SOX5: variants seen among roughly 807,000 people sequenced by gnomAD.
SOX5 encodes transcription factor SOX-5.
Under a neutral mutation model 92.0 loss-of-function variants are expected in SOX5, and 9 were observed. That is an observed-to-expected ratio of 0.10 (90% CI 0.06 to 0.17). The LOEUF (loss-of-function observed/expected upper bound fraction) is 0.17, where lower values mean the gene tolerates loss of function less well. SOX5 is among the 10% of genes least tolerant of loss of function. SOX5 has a pLI of 1.00. For synonymous variants in SOX5, 344 were observed against 336.3 expected, an observed-to-expected ratio of 1.02 and a Z score of -0.25; for missense variants, 642 against 944.5, an observed-to-expected ratio of 0.68 and a Z score of 4.20.
At chr12:24,221,705 G>C (rs996630773) in intron 3 of SOX5, among the ~76,000 whole-genome samples, 1 of 152,182 alleles carries the variant, frequency 6.6e-6, no homozygotes. Context: ...AGTAAAGAAA[G>C]ACAAGAATAC....
chr12:24,238,738 T>G (rs1003692890), intron 3 of SOX5, among the ~76,000 whole-genome samples: 2 of 152,190 alleles, frequency 1.3e-5, no homozygotes, highest in Non-Finnish European at 2.9e-5. Flanking sequence ...TACCTTCTTT[T>G]CTGACCTCTT....
chr12:23,762,345 CTTTG>C, intron 3 of SOX5: 2 of 337,178 alleles, frequency 5.9e-6, no homozygotes, highest in Non-Finnish European at 1.1e-5. Flanking sequence ...CTGTAGCGTA[CTTTG>C]TTTGCACCTG....
intron 2 of SOX5, among the ~76,000 whole-genome samples, chr12:24,281,235 AG>A (rs1481355295): frequency 4.2e-4 from 57 of 137,324 alleles, no homozygotes; most frequent in Non-Finnish European, 6.8e-4. Flanking sequence ...AATTACCAAA[AG>A]GAAAAAAAAA....
chr12:24,461,798 T>C (rs1464795562), intron 1 of SOX5, among the ~76,000 whole-genome samples: 2 of 151,674 alleles, frequency 1.3e-5, no homozygotes, highest in African/African-American at 4.9e-5. Context: ...TTCAATGCTT[T>C]AAAGTTTATA....
intron 4 of SOX5, among the ~76,000 whole-genome samples, chr12:24,011,059 C>G (rs1311847059): frequency 6.6e-6 from 1 of 151,948 alleles, no homozygotes; most frequent in Non-Finnish European, 1.5e-5. Flanking sequence ...TTAAGAAGTA[C>G]ATATTGGAAA....
chr12:23,730,427 T>G (rs1440194651), intron 6 of SOX5, among the ~76,000 whole-genome samples: 1 of 152,240 alleles, frequency 6.6e-6, no homozygotes, highest in East Asian at 1.9e-4. Context: ...CTTCTAAAAT[T>G]AAGAGTCTCA....
chr12:24,228,186 A>G (rs1565701625), intron 3 of SOX5, among the ~76,000 whole-genome samples: 1 of 152,184 alleles, frequency 6.6e-6, no homozygotes, highest in Non-Finnish European at 1.5e-5. Flanking sequence ...ATGCCACAGA[A>G]AACCAAGATG....
At chr12:23,634,380 C>G (rs762536586) in intron 8 of SOX5, among the ~76,000 whole-genome samples, 1 of 152,024 alleles carries the variant, frequency 6.6e-6, no homozygotes. Flanking sequence ...ATCCACCTTA[C>G]GATTTTAAGT....
chr12:24,081,816 G>C (rs555258741), intron 4 of SOX5, among the ~76,000 whole-genome samples: 1 of 151,904 alleles, frequency 6.6e-6, no homozygotes, highest in Non-Finnish European at 1.5e-5. Context: ...CCATTCAAAC[G>C]TTCTTCACAA....
At chr12:24,558,255 A>G (rs1954000431) in intron 1 of SOX5, among the ~76,000 whole-genome samples, 1 of 152,186 alleles carries the variant, frequency 6.6e-6, no homozygotes, top group South Asian at 2.1e-4. Flanking sequence ...GGGCCCATCA[A>G]AGCAAAATGG....
intron 4 of SOX5, among the ~76,000 whole-genome samples, chr12:24,054,803 A>T (rs1425291477): frequency 6.6e-6 from 1 of 152,258 alleles, no homozygotes; most frequent in Non-Finnish European, 1.5e-5. Flanking sequence ...ATGAAAGTCA[A>T]GTGAACACGG....
chr12:24,271,678 T>A (rs1943753802), intron 3 of SOX5, among the ~76,000 whole-genome samples: 1 of 152,228 alleles, frequency 6.6e-6, no homozygotes. Context: ...AGATCCAATC[T>A]TATTTTTTAC....
At chr12:24,560,715 AT>A (rs1468116488) in intron 1 of SOX5, among the ~76,000 whole-genome samples, 1 of 152,250 alleles carries the variant, frequency 6.6e-6, no homozygotes, top group Non-Finnish European at 1.5e-5. Context: ...CTCCTTTTAA[AT>A]GCTATAAAAG....
At chr12:24,168,038 A>G (rs1953632688) in intron 4 of SOX5, among the ~76,000 whole-genome samples, 1 of 152,194 alleles carries the variant, frequency 6.6e-6, no homozygotes, top group Admixed American at 6.5e-5. Flanking sequence ...TTTCTTTTCA[A>G]AGAAGGGAAG....
chr12:23,921,181 C>A (rs1050177771), intron 1 of SOX5, among the ~76,000 whole-genome samples: 18 of 151,980 alleles, frequency 1.2e-4, no homozygotes, highest in Non-Finnish European at 1.6e-4. Flanking sequence ...TAAAGAAGTA[C>A]AAAATAATCA....
intron 2 of SOX5, among the ~76,000 whole-genome samples, chr12:24,335,481 C>T (rs959072488): frequency 6.6e-6 from 1 of 152,176 alleles, no homozygotes; most frequent in African/African-American, 2.4e-5. Context: ...TTATTACCCT[C>T]ATTGTACAGC....
chr12:24,169,553 C>T (rs1315701071), intron 4 of SOX5, among the ~76,000 whole-genome samples: 1 of 152,218 alleles, frequency 6.6e-6, no homozygotes, highest in Non-Finnish European at 1.5e-5. Flanking sequence ...AGGGCATTAG[C>T]ATCTTCCCAC....
At chr12:23,584,443 A>C in intron 9 of SOX5, 1 of 907,274 alleles carries the variant, frequency 1.1e-6, no homozygotes, top group Non-Finnish European at 1.8e-6. Flanking sequence ...TTAGATAACA[A>C]CCTGGCAGAG....
intron 8 of SOX5, among the ~76,000 whole-genome samples, chr12:23,630,188 T>C (rs561881308): frequency 2.2e-4 from 33 of 152,068 alleles, no homozygotes; most frequent in African/African-American, 7.9e-4. Flanking sequence ...TTTAGAATAG[T>C]TAGAGGCAGC....
Sources: allele counts gnomAD v4.1 joint callset (sites outside exome capture counted in the v4.1 genomes callset), GRCh38; gene constraint gnomAD v4.1.1; transcripts MANE v1.5; gene names NCBI Gene and HGNC (gene_info 2026-07-23, HGNC 2026-07-21).